Variants in PRKCZ observed in about 807,000 individuals in gnomAD.
PRKCZ encodes the protein protein kinase C zeta type.
Under a neutral mutation model 79.5 loss-of-function variants are expected in PRKCZ, and 33 were observed. The observed-to-expected ratio is 0.41, with a 90% CI of 0.31 to 0.55. The LOEUF is 0.55. Ranked by LOEUF, PRKCZ falls within the 20% of genes least tolerant of loss-of-function variation. PRKCZ has a pLI of 0.19. For missense variants in PRKCZ, 578 were observed against 813.5 expected (o/e 0.71, Z 3.52); for synonymous variants, 342 against 320.9 (o/e 1.07, Z -0.70).
At chr1:2,182,044 G>A (rs1047184794) in intron 16 of PRKCZ, 42 of 345,118 alleles carry the variant, frequency 1.2e-4, no homozygotes, top group Admixed American at 9.7e-4. Context: ...GCCCTGACAC[G>A]TGTCCAGCCT....
chr1:2,118,470 TG>T (rs1671193912), intron 4 of PRKCZ, among the ~76,000 whole-genome samples: 1 of 151,948 alleles, frequency 6.6e-6, no homozygotes, highest in Non-Finnish European at 1.5e-5. Flanking sequence ...CCTGAGTAGC[TG>T]GGACTACAGG....
At chr1:2,057,699 T>C (rs974250475) in intron 3 of PRKCZ, among the ~76,000 whole-genome samples, 9 of 150,834 alleles carry the variant, frequency 6.0e-5, no homozygotes, top group East Asian at 2.1e-4. Context: ...GACCCCCCCC[T>C]CTCCAAAACT....
intron 5 of PRKCZ, chr1:2,143,028 T>G (rs1189469529): frequency 2.7e-5 from 4 of 145,624 alleles, no homozygotes; most frequent in Non-Finnish European, 6.1e-5. Flanking sequence ...TCCTCTTCTT[T>G]TTTTTTTTTT....
rs560860471 is a variant in PRKCZ at position 2,125,963 on chromosome 1, G to A, written c.335-9299G>A. 3.9e-5 allele frequency among the ~76,000 whole-genome samples: 6 copies of A among 152,286 alleles called. No homozygotes were observed. The highest frequency in any genetic ancestry group is 3.9e-4 in the East Asian group (2 of 5,164). The stretch of plus-strand genomic sequence containing the variant: ...ATATTGGCCACTGTGGGAGAGAGTC[G>A]GGCAGCTGAATTCCCGCAGGTGGGA... On this transcript the variant is annotated intron_variant, in intron 4 of 17. Transcript: ENST00000378567. This position sits in a 1 kb window ranked among gnomAD's most constrained non-coding sequence, Gnocchi z 4.2.
intron 5 of PRKCZ, 140 bp from the exon 6 acceptor site, chr1:2,144,070 G>T (rs543681956): frequency 2.4e-6 from 3 of 1,262,394 alleles, no homozygotes; most frequent in Admixed American, 2.8e-5. Context: ...CCTGGCGCCC[G>T]GAAGGGACAA....
At chr1:2,146,944 C>T (rs1262757190) in intron 7 of PRKCZ, among the ~76,000 whole-genome samples, 1 of 152,168 alleles carries the variant, frequency 6.6e-6, no homozygotes, top group Non-Finnish European at 1.5e-5. Flanking sequence ...CCATCCTCCA[C>T]CCGCCCATTC....
chr1:2,074,248 A>T (rs1010944944), intron 4 of PRKCZ: 2 of 1,550,340 alleles, frequency 1.3e-6, no homozygotes, highest in Non-Finnish European at 1.7e-6. Context: ...GGGCTGCTGG[A>T]GGGACATGCT....
intron 4 of PRKCZ, among the ~76,000 whole-genome samples, chr1:2,115,385 T>C (rs746806430): frequency 6.6e-6 from 1 of 152,260 alleles, no homozygotes; most frequent in African/African-American, 2.4e-5. Context: ...GAGTGGAGTT[T>C]CCGGGAAACA....
At chr1:2,122,937 G>A (rs201590850) in intron 4 of PRKCZ, among the ~76,000 whole-genome samples, 1 of 1,458 alleles carries the variant, frequency 6.9e-4, no homozygotes, top group Non-Finnish European at 1.0e-3. Flanking sequence ...TCACGGCGGT[G>A]GTTAGGGTCA....
At chr1:2,114,514 G>A (rs1218090386) in intron 4 of PRKCZ, among the ~76,000 whole-genome samples, 4 of 152,224 alleles carry the variant, frequency 2.6e-5, no homozygotes, top group African/African-American at 4.8e-5. Flanking sequence ...AGTGGCTCAC[G>A]CCTGTAATCC....
At chr1:2,176,333 C>T (rs1685494337) in intron 16 of PRKCZ, among the ~76,000 whole-genome samples, 1 of 152,014 alleles carries the variant, frequency 6.6e-6, no homozygotes, top group Non-Finnish European at 1.5e-5. Flanking sequence ...GGTAAGGCTG[C>T]GCCGCTTGGT....
chr1:2,107,519 A>G (rs927490362), intron 4 of PRKCZ, among the ~76,000 whole-genome samples: 2 of 152,028 alleles, frequency 1.3e-5, no homozygotes, highest in African/African-American at 4.8e-5. Context: ...GATACCTCCC[A>G]TTTTACTTTT....
intron 4 of PRKCZ, among the ~76,000 whole-genome samples, chr1:2,069,834 A>G (rs2678941): frequency 0.5 from 75,809 of 151,894 alleles, 23,378 homozygotes; most frequent in East Asian, 0.95. Flanking sequence ...TGCTGCTGCA[A>G]TCCAGAGGCT....
Position 2,156,020 on chromosome 1 carries a change from A to G in PRKCZ, c.902A>G (p.Lys301Arg), listed in dbSNP as rs757681995. 1 of 1,613,920 alleles carries G rather than the reference A, an allele frequency of 6.2e-7. No homozygotes were observed. Among genetic ancestry groups the G allele is most frequent in the South Asian group, 1.1e-5 (1 of 91,082 alleles). ...GATATTGACTGGGTACAGACAGAGA[A>G]GCACGTGTTTGAGCAGGCATCCAGC... ...DEDIDWVQTE[K>R]HVFEQASSNP... Residue 301 changes from lysine (K) to arginine (R), a missense_variant, in exon 10 of 18, where the codon AAG becomes AGG. By Grantham distance (26) the Lys-to-Arg change is conservative. Around this residue, in one of 4 missense-constraint regions of PRKCZ, gnomAD observed 243 missense variants for 467.0 expected, o/e 0.52. Transcript: ENST00000378567.
At position 2,178,984 on chromosome 1, in the gene PRKCZ, C is replaced by T. The variant is rs542459065; in HGVS notation, c.1575+3671C>T. Among the ~76,000 whole-genome samples, 6 of 152,328 alleles carry T rather than the reference C, an allele frequency of 3.9e-5. No individual in the cohort carries two copies. Among genetic ancestry groups the T allele is most frequent in the African/African-American group, 9.6e-5 (4 of 41,568 alleles). On this transcript the variant is annotated intron_variant, in intron 16 of 17. Coordinates refer to ENST00000378567, the MANE Select transcript of PRKCZ (RefSeq NM_002744.6). This position sits in a 1 kb window ranked among gnomAD's most constrained non-coding sequence, Gnocchi z 4.3. ...GAACCAGCACCACTCAGGCAGTCGCCGCCACTGGGGTGTGACTCTGGGGCC... is the reference window on the plus strand; with the variant it reads ...GAACCAGCACCACTCAGGCAGTCGCTGCCACTGGGGTGTGACTCTGGGGCC...
At chr1:2,157,332 A>C in intron 10 of PRKCZ, among the ~76,000 whole-genome samples, 1 of 151,836 alleles carries the variant, frequency 6.6e-6, no homozygotes, top group East Asian at 1.9e-4. Context: ...CGTTGAATTC[A>C]CCATCACGAG....
chr1:2,068,008 A>G (rs1661261584), intron 4 of PRKCZ, among the ~76,000 whole-genome samples: 1 of 152,310 alleles, frequency 6.6e-6, no homozygotes, highest in Non-Finnish European at 1.5e-5. Flanking sequence ...ACAGCCCGAA[A>G]TGCAGCAGAT....
intron 8 of PRKCZ, among the ~76,000 whole-genome samples, chr1:2,150,292 C>T (rs544925843): frequency 3.9e-5 from 6 of 152,306 alleles, no homozygotes; most frequent in South Asian, 2.1e-4. Flanking sequence ...TGTTCTTCCT[C>T]GGAGCGCCTT....
At chr1:2,133,332 C>A (rs1009120874) in intron 4 of PRKCZ, among the ~76,000 whole-genome samples, 3 of 151,366 alleles carry the variant, frequency 2.0e-5, no homozygotes, top group Non-Finnish European at 2.9e-5. Context: ...CCCTCGGCTC[C>A]GCCCCCAGTT....
Sources: allele counts gnomAD v4.1 joint callset (sites outside exome capture counted in the v4.1 genomes callset), GRCh38; gene constraint gnomAD v4.1.1; regional missense constraint gnomAD v4.1.1; non-coding constraint Gnocchi (gnomAD v3.1); transcripts MANE v1.5; gene names NCBI Gene and HGNC (gene_info 2026-07-23, HGNC 2026-07-21).